The following ITGBL1 variants were observed in gnomAD, a reference collection of about 807,000 sequenced individuals.
ITGBL1 encodes the protein integrin subunit beta like 1.
A neutral mutation model predicts 68.5 loss-of-function variants in ITGBL1; 51 were observed. The ratio of observed to expected loss-of-function variants is 0.74; its 90% CI spans 0.59 to 0.94. The LOEUF (loss-of-function observed/expected upper bound fraction) is 0.94. ITGBL1 is among the 40% of genes least tolerant of loss of function. The pLI is 0.00. For missense variants in ITGBL1, 649 were observed against 647.4 expected (o/e 1.00, Z -0.03); for synonymous variants, 209 against 227.3 (o/e 0.92, Z 0.72).
intron 7 of ITGBL1, among the ~76,000 whole-genome samples, chr13:101,598,794 C>T (rs912980016): frequency 6.6e-5 from 10 of 152,176 alleles, no homozygotes; most frequent in African/African-American, 2.4e-4. Flanking sequence ...CACAGTATTC[C>T]ATGCTGTATA....
intron 2 of ITGBL1, chr13:101,489,832 A>G (rs2139057340): frequency 1.6e-6 from 1 of 615,680 alleles, no homozygotes; most frequent in East Asian, 2.8e-5. Flanking sequence ...AAACTGATAA[A>G]ATAGCATTCA....
chr13:101,610,995 C>A (rs1320940216), intron 7 of ITGBL1, among the ~76,000 whole-genome samples: 1 of 152,050 alleles, frequency 6.6e-6, no homozygotes, highest in East Asian at 1.9e-4. Context: ...GACAGAAACT[C>A]TGAGTTATGA....
intron 7 of ITGBL1, among the ~76,000 whole-genome samples, chr13:101,653,165 CAAA>C (rs1317630938): frequency 1.4e-5 from 2 of 139,084 alleles, no homozygotes; most frequent in African/African-American, 5.5e-5. Context: ...GGAGGAGAAA[CAAA>C]GAAGAGAAGA....
At chr13:101,576,596 G>T (rs2050363411) in intron 4 of ITGBL1, among the ~76,000 whole-genome samples, 1 of 152,132 alleles carries the variant, frequency 6.6e-6, no homozygotes, top group South Asian at 2.1e-4. Context: ...AAGGACTAGG[G>T]CCCAATGGGG....
intron 7 of ITGBL1, among the ~76,000 whole-genome samples, chr13:101,671,455 T>TTTTTTTTTTTTTTTG (rs1566784581): frequency 7.2e-6 from 1 of 138,840 alleles, no homozygotes; most frequent in African/African-American, 2.6e-5. Flanking sequence ...TTGTTTTTTT[T>TTTTTTTTTTTTTTTG]TGAGACGGAG....
chr13:101,598,601 A>G (rs963421302), intron 7 of ITGBL1, among the ~76,000 whole-genome samples: 2 of 152,012 alleles, frequency 1.3e-5, no homozygotes, highest in African/African-American at 4.8e-5. Flanking sequence ...CCACCACACA[A>G]CAGTCCCCAG....
At chr13:101,652,066 A>G (rs889342644) in intron 7 of ITGBL1, among the ~76,000 whole-genome samples, 1 of 152,084 alleles carries the variant, frequency 6.6e-6, no homozygotes, top group Non-Finnish European at 1.5e-5. Context: ...TGTTTTGGTT[A>G]CCATGTGACT....
At chr13:101,461,465 G>T (rs1006642458) in intron 2 of ITGBL1, among the ~76,000 whole-genome samples, 4 of 152,134 alleles carry the variant, frequency 2.6e-5, no homozygotes, top group African/African-American at 9.7e-5. Context: ...AAGTTGAGGT[G>T]GGAGGATCCT....
intron 7 of ITGBL1, among the ~76,000 whole-genome samples, chr13:101,635,866 A>G (rs2032155291): frequency 6.6e-6 from 1 of 152,132 alleles, no homozygotes; most frequent in Admixed American, 6.6e-5. Context: ...TCCACCATTT[A>G]TATTTACCAT....
intron 3 of ITGBL1, among the ~76,000 whole-genome samples, chr13:101,574,741 C>T (rs917619097): frequency 6.6e-6 from 1 of 152,080 alleles, no homozygotes; most frequent in African/African-American, 2.4e-5. Context: ...GTGGTAGAAT[C>T]TTCAGACTTG....
intron 6 of ITGBL1, among the ~76,000 whole-genome samples, chr13:101,594,358 T>G (rs924713095): frequency 2.0e-5 from 3 of 152,150 alleles, no homozygotes; most frequent in African/African-American, 4.8e-5. Context: ...ATAAATGGTG[T>G]TGGGACAACT....
chr13:101,583,314 T>C lies in ITGBL1; in HGVS notation c.826T>C (p.Cys276Arg), dbSNP rs2050495656. The C allele has an allele frequency of 1.2e-6, 2 of 1,612,288 alleles. No individual in the cohort carries two copies. The highest frequency in any genetic ancestry group is 2.2e-5 in the South Asian group (2 of 90,844). The change falls in exon 6 of 11, where the codon TGT becomes CGT. Residue 276 changes from cysteine to arginine, a missense_variant. Coordinates refer to ENST00000376180, the MANE Select transcript of ITGBL1 (RefSeq NM_004791.3). Reference protein sequence around the residue: ...GDTCECDERDCRAVYDRYSDD... With the variant: ...GDTCECDERDRRAVYDRYSDD... ...CACCTGTGAATGTGATGAGAGGGAC[T>C]GTAGAGCTGTCTATGACCGATATTC... is the stretch of plus-strand genomic sequence containing the variant.
At position 101,453,922 on chromosome 13, in the gene ITGBL1, G is replaced by A; in HGVS notation, c.138G>A (p.Glu46=). The A allele has an allele frequency of 1.5e-6, 2 of 1,344,978 alleles. No homozygotes were observed. The highest frequency in any genetic ancestry group is 2.1e-5 in the South Asian group (1 of 48,398). 83.3% of individuals were successfully genotyped at this position (1,344,978 alleles called of 1,614,324 possible). The change falls in exon 2 of 11, where the codon GAG becomes GAA. Residue 46 remains glutamate, a synonymous_variant. Coordinates refer to ENST00000376180, the MANE Select transcript of ITGBL1 (RefSeq NM_004791.3). ...CCGCCTGCAGGCTGTCCCGGGCCGA[G>A]TCGGAGCGACGCTGCCGCGCACCTG... ...PGAACRLSRA[E]SERRCRAPGQ...
intron 6 of ITGBL1, among the ~76,000 whole-genome samples, chr13:101,597,160 G>A (rs915832208): frequency 2.0e-5 from 3 of 152,104 alleles, no homozygotes; most frequent in Admixed American, 6.6e-5. Flanking sequence ...GGCTATGCAC[G>A]TGAGGGAGAA....
chr13:101,480,496 A>G (rs910135642), intron 2 of ITGBL1, among the ~76,000 whole-genome samples: 4 of 152,100 alleles, frequency 2.6e-5, no homozygotes, highest in African/African-American at 4.8e-5. Context: ...AATTTATTGT[A>G]CATTTAAAAA....
intron 2 of ITGBL1, among the ~76,000 whole-genome samples, chr13:101,456,572 A>G (rs2048246998): frequency 6.6e-6 from 1 of 152,202 alleles, no homozygotes; most frequent in African/African-American, 2.4e-5. Flanking sequence ...ACTTCTAAGA[A>G]GAAAACAAAA....
chr13:101,537,002 T>C (rs139530995), intron 2 of ITGBL1, among the ~76,000 whole-genome samples: 2 of 152,066 alleles, frequency 1.3e-5, no homozygotes, highest in East Asian at 1.9e-4. Context: ...TGAAAACTTA[T>C]CTACATTTTA....
rs577447985 is a variant in ITGBL1, at chr13:101,620,765, GA to G, written c.1015+22471del. ...ACTTCACTCAAAATTTCTTATTTTG[GA>G]AAAATTTAAAACACGTATGTCATCT... On this transcript the variant is annotated intron_variant, in intron 7 of 10. Transcript: ENST00000376180. Among the ~76,000 whole-genome samples the G allele has an allele frequency of 8.5e-5, 13 of 152,212 alleles. No individual in the cohort carries two copies. In the South Asian group the frequency reaches 2.5e-3, roughly 29 times the overall value.
At chr13:101,683,691 C>A (rs183270265) in intron 7 of ITGBL1, among the ~76,000 whole-genome samples, 23 of 152,110 alleles carry the variant, frequency 1.5e-4, no homozygotes, top group Admixed American at 1.4e-3. Flanking sequence ...TCACCCTCTG[C>A]AAAAGACTTA....
Sources: allele counts gnomAD v4.1 joint callset (sites outside exome capture counted in the v4.1 genomes callset), GRCh38; gene constraint gnomAD v4.1.1; transcripts MANE v1.5; gene names NCBI Gene and HGNC (gene_info 2026-07-23, HGNC 2026-07-21).